SLC6A20: variants seen among roughly 807,000 people sequenced by gnomAD.
SLC6A20 encodes the protein solute carrier family 6 member 20.
A neutral mutation model predicts 64.3 loss-of-function variants in SLC6A20; 73 were observed. That is an observed-to-expected ratio of 1.14 (90% CI 0.94 to 1.38). The LOEUF is 1.38. Ranked by LOEUF, SLC6A20 falls within the 40% of genes most tolerant of loss-of-function variation. SLC6A20 has a pLI of 0.00. For synonymous variants in SLC6A20, 347 were observed against 329.6 expected (o/e 1.05, Z -0.57); for missense variants, 725 against 772.8 (o/e 0.94, Z 0.73).
rs1699595648 is a variant in SLC6A20, at chr3:45,758,844, TTCC to T, written c.*131_*133del. 1 of 1,377,650 alleles carries T rather than the reference TTCC, an allele frequency of 7.3e-7. No individual in the cohort carries two copies. The highest frequency in any genetic ancestry group is 1.5e-5 in the African/African-American group (1 of 67,542). 85.3% of individuals were successfully genotyped at this position (1,377,650 alleles called of 1,614,324 possible). A position where few individuals can be genotyped will look rare whatever the true frequency, so the allele number is the denominator to read the frequency against. On this transcript the variant is annotated 3_prime_UTR_variant, in exon 11 of 11. Transcript: ENST00000358525. ...CAAGGGAGTTTTCTTCCTGCACACC[TTCC>T]TCATCTTCTTTAGACACTCAGGAAG...
At position 45,796,378 on chromosome 3, in the gene SLC6A20, G is replaced by A; in HGVS notation, c.42C>T (p.Phe14=). ...CGGCGTACGAGATGCAGGCGAACACGAACTGTAGCGAGTTGGCCCACAGCG... is the reference window on the plus strand; with the variant it reads ...CGGCGTACGAGATGCAGGCGAACACAAACTGTAGCGAGTTGGCCCACAGCG... The part of the protein sequence containing the change: ...ARPLWANSLQ[F]VFACISYAVG... The change falls in exon 1 of 11, where the codon TTC becomes TTT. Residue 14 remains phenylalanine, a synonymous_variant. Coordinates refer to ENST00000358525, the MANE Select transcript of SLC6A20 (RefSeq NM_020208.4). 1.9e-6 allele frequency: 3 copies of A among 1,612,826 alleles called. No homozygotes were observed. Among genetic ancestry groups the A allele is most frequent in the South Asian group, 1.1e-5 (1 of 90,982 alleles).
chr3:45,776,131 A>G (rs1044329094), intron 3 of SLC6A20, 143 bp from the exon 4 acceptor site: 4 of 739,774 alleles, frequency 5.4e-6, no homozygotes, highest in Non-Finnish European at 9.0e-6. Context: ...GGAGCCCCTG[A>G]AGGCAGACTG....
chr3:45,772,053 G>A (rs1575428700), intron 5 of SLC6A20: 1 of 178,540 alleles, frequency 5.6e-6, no homozygotes, highest in East Asian at 1.7e-4. Context: ...AGGCAAGAGT[G>A]CACCCTCCAT....
chr3:45,775,510 T>C (rs1699949928), intron 4 of SLC6A20, among the ~76,000 whole-genome samples: 1 of 152,128 alleles, frequency 6.6e-6, no homozygotes, highest in African/African-American at 2.4e-5. Context: ...AAAACTTTTT[T>C]TTTCTAAGAA....
Position 45,775,954 on chromosome 3 carries a change from C to CCATT in SLC6A20, c.385_388dup (p.Gly130GlufsTer3), listed in dbSNP as rs779634264. Reference sequence around the variant, plus strand: ...CTCCTCATCGTAGCCCGTGTGGTTACCATTCAGTGGGCAGACAGACCACGG... The same window carrying CCATT: ...CTCCTCATCGTAGCCCGTGTGGTTACCATTCATTCAGTGGGCAGACAGACCACGG... On this transcript the variant is annotated frameshift_variant, in exon 4 of 11. Coordinates refer to ENST00000358525, the MANE Select transcript of SLC6A20 (RefSeq NM_020208.4). LOFTEE classifies it high-confidence loss of function. 10 of 1,614,204 alleles carry CCATT rather than the reference C, an allele frequency of 6.2e-6. No individual in the cohort carries two copies. The highest frequency in any genetic ancestry group is 8.5e-6 in the Non-Finnish European group (10 of 1,180,032).
intron 7 of SLC6A20, among the ~76,000 whole-genome samples, chr3:45,767,967 A>G (rs768579691): frequency 2.6e-5 from 4 of 152,232 alleles, no homozygotes; most frequent in Non-Finnish European, 4.4e-5. Flanking sequence ...AAAATTTAAG[A>G]AAACTGTTCT....
At chr3:45,777,591 G>A (rs1289841388) in intron 3 of SLC6A20, among the ~76,000 whole-genome samples, 1 of 152,200 alleles carries the variant, frequency 6.6e-6, no homozygotes, top group Admixed American at 6.5e-5. Context: ...CACCCTCTTG[G>A]AGACCAGCTG....
At chr3:45,767,648 T>G (rs1699798274) in intron 7 of SLC6A20, among the ~76,000 whole-genome samples, 1 of 152,106 alleles carries the variant, frequency 6.6e-6, no homozygotes, top group Admixed American at 6.6e-5. Flanking sequence ...TAGGTATGAA[T>G]TTTCCAAAAC....
At chr3:45,774,706 AG>A (rs1361033245) in intron 4 of SLC6A20, among the ~76,000 whole-genome samples, 2 of 152,300 alleles carry the variant, frequency 1.3e-5, no homozygotes, top group East Asian at 1.9e-4. Context: ...GAGACAACTC[AG>A]GTAGTCAGAG....
chr3:45,767,312 A>C (rs765455901), intron 7 of SLC6A20, among the ~76,000 whole-genome samples: 8 of 152,246 alleles, frequency 5.3e-5, no homozygotes, highest in Non-Finnish European at 8.8e-5. Flanking sequence ...AAAGAAACAA[A>C]GGATAACATT....
intron 10 of SLC6A20, 69 bp from the exon 11 acceptor site, chr3:45,759,196 C>T (rs1447159380): frequency 6.7e-7 from 1 of 1,482,972 alleles, no homozygotes; most frequent in East Asian, 2.4e-5. Context: ...CAGGGCCCAT[C>T]CGTGATGGGG....
intron 1 of SLC6A20, among the ~76,000 whole-genome samples, chr3:45,782,597 A>T (rs757266174): frequency 6.8e-6 from 1 of 147,210 alleles, no homozygotes; most frequent in Admixed American, 6.7e-5. Context: ...CCAACCTTCC[A>T]TTCATCCATC....
In SLC6A20 at chr3:45,762,972, G is replaced by A. The variant is rs746891944; in HGVS notation, c.1404C>T (p.Ser468=). ...TCTCCACCAGCACGATGAGCAGCAGGGACAGTGTGGCCGCGTAGTCGTTGA... is the reference window on the plus strand; with the variant it reads ...TCTCCACCAGCACGATGAGCAGCAGAGACAGTGTGGCCGCGTAGTCGTTGA... The part of the protein sequence containing the change: ...DIFNDYAATL[S]LLLIVLVETI... The change falls in exon 9 of 11, where the codon TCC becomes TCT. Residue 468 remains serine, a synonymous_variant. Transcript: ENST00000358525. The A allele has an allele frequency of 1.9e-6, 3 of 1,614,116 alleles. No individual in the cohort carries two copies. The highest frequency in any genetic ancestry group is 2.2e-5 in the East Asian group (1 of 44,876).
chr3:45,769,559 T>C (rs1021262170), intron 7 of SLC6A20, among the ~76,000 whole-genome samples: 1 of 152,134 alleles, frequency 6.6e-6, no homozygotes, highest in Non-Finnish European at 1.5e-5. Flanking sequence ...AAATGCAGCA[T>C]TTAAATGAAC....
chr3:45,787,072 A>G (rs1481751242), intron 1 of SLC6A20, among the ~76,000 whole-genome samples: 1 of 152,074 alleles, frequency 6.6e-6, no homozygotes, highest in Non-Finnish European at 1.5e-5. Context: ...ATTGTGACAC[A>G]CCTGCCTTTT....
intron 8 of SLC6A20, among the ~76,000 whole-genome samples, chr3:45,764,972 G>A (rs376295052): frequency 5.9e-5 from 9 of 151,966 alleles, no homozygotes; most frequent in Admixed American, 2.0e-4. Flanking sequence ...CAGCACTTTC[G>A]GAGGCTGAGA....
At chr3:45,786,818 T>C (rs986491524) in intron 1 of SLC6A20, among the ~76,000 whole-genome samples, 7 of 152,204 alleles carry the variant, frequency 4.6e-5, no homozygotes, top group African/African-American at 7.2e-5. Flanking sequence ...TATGAATAAA[T>C]AGGTAACTGA....
intron 1 of SLC6A20, chr3:45,790,393 G>T (rs1700229464): frequency 6.6e-6 from 1 of 151,946 alleles, no homozygotes; most frequent in Non-Finnish European, 1.5e-5. Flanking sequence ...CTGGCCTGGG[G>T]GTTCCACTTT....
chr3:45,785,474 G>C (rs1411248141), intron 1 of SLC6A20, among the ~76,000 whole-genome samples: 2 of 152,174 alleles, frequency 1.3e-5, no homozygotes, highest in Non-Finnish European at 2.9e-5. Context: ...CTCCCGTGCT[G>C]GATGCTTCCT....
Sources: allele counts gnomAD v4.1 joint callset (sites outside exome capture counted in the v4.1 genomes callset), GRCh38; gene constraint gnomAD v4.1.1; transcripts MANE v1.5; gene names NCBI Gene and HGNC (gene_info 2026-07-23, HGNC 2026-07-21).